The following KIF11 variants were observed in gnomAD, a reference collection of about 807,000 sequenced individuals.
The protein encoded by KIF11 is kinesin-like protein KIF11.
A neutral mutation model predicts 121.0 loss-of-function variants in KIF11; 9 were observed. The observed-to-expected ratio is 0.07, with a 90% confidence interval of 0.04 to 0.13. The LOEUF (loss-of-function observed/expected upper bound fraction) is 0.13, where lower values mean the gene tolerates loss of function less well. Among genes scored for constraint, KIF11 ranks in the 10% least tolerant of loss-of-function variants. The pLI is 1.00. For synonymous variants in KIF11, 408 were observed against 421.0 expected (o/e 0.97, Z 0.38); for missense variants, 846 against 1,217.5 (o/e 0.69, Z 4.54).
rs770861566 is a variant in KIF11 at position 92,606,614 on chromosome 10, G to A, written c.211-5G>A. ...GATTTTTTTTTTTTTAATTTTTTTCGTTAGGTGTTTGGAGCATCTACTAAA... is the reference window on the plus strand; with the variant it reads ...GATTTTTTTTTTTTTAATTTTTTTCATTAGGTGTTTGGAGCATCTACTAAA... On this transcript the variant is annotated splice_region_variant and splice_polypyrimidine_tract_variant and intron_variant, in intron 2 of 21. Coordinates refer to ENST00000260731, the MANE Select transcript of KIF11 (RefSeq NM_004523.4). 24 of 1,477,788 alleles carry A rather than the reference G, an allele frequency of 1.6e-5. No homozygotes were observed. The highest frequency in any genetic ancestry group is 1.8e-4 in the Middle Eastern group (1 of 5,640). 91.5% of individuals were successfully genotyped at this position (1,477,788 alleles called of 1,614,324 possible).
Position 92,606,369 on chromosome 10 carries a change from G to T in KIF11, c.182G>T (p.Ser61Ile). 1 of 1,610,968 alleles carries T rather than the reference G, an allele frequency of 6.2e-7. No individual in the cohort carries two copies. The highest frequency in any genetic ancestry group is 8.5e-7 in the Non-Finnish European group (1 of 1,179,230). ...SVRTGGLADKSSRKTYTFDMV... is the reference protein window; with the variant it reads ...SVRTGGLADKISRKTYTFDMV... ...CGAACTGGAGGATTGGCTGACAAGAGCTCAAGGAAAACATACACTTTTGAT... is the reference window on the plus strand; with the variant it reads ...CGAACTGGAGGATTGGCTGACAAGATCTCAAGGAAAACATACACTTTTGAT... The change falls in exon 2 of 22, where the codon AGC becomes ATC. Residue 61 changes from serine to isoleucine, a missense_variant. By Grantham distance (142) the Ser-to-Ile change is moderately radical. Transcript: ENST00000260731.
intron 3 of KIF11, among the ~76,000 whole-genome samples, 168 bp downstream of exon 3, chr10:92,606,884 TCTC>T (rs200943181): frequency 0.021 from 3,158 of 152,198 alleles, 46 homozygotes; most frequent in Admixed American, 0.052. Context: ...TTCAAGCAAT[TCTC>T]CTGTTTCAGC....
intron 9 of KIF11, among the ~76,000 whole-genome samples, chr10:92,617,761 A>G (rs931030347): frequency 6.7e-6 from 1 of 148,482 alleles, no homozygotes; most frequent in Non-Finnish European, 1.5e-5. Flanking sequence ...TTTTTTTGAG[A>G]TGAAGTCTCG....
At chr10:92,610,963 GAACTA>G (rs2135903772) in intron 6 of KIF11, among the ~76,000 whole-genome samples, 1 of 152,076 alleles carries the variant, frequency 6.6e-6, no homozygotes, top group Admixed American at 6.6e-5. Context: ...TTTGAGAACT[GAACTA>G]AAGACTAGGT....
chr10:92,640,794 G>T (rs890457727), intron 17 of KIF11, among the ~76,000 whole-genome samples: 1 of 149,846 alleles, frequency 6.7e-6, no homozygotes, highest in African/African-American at 2.5e-5. Flanking sequence ...GTACAGTGGC[G>T]CGAGTGCAGT....
intron 1 of KIF11, among the ~76,000 whole-genome samples, chr10:92,600,149 C>T (rs928830063): frequency 1.1e-4 from 16 of 151,486 alleles, no homozygotes; most frequent in Non-Finnish European, 2.1e-4. Context: ...GGATTATAGG[C>T]GCTCGCCACC....
intron 17 of KIF11, among the ~76,000 whole-genome samples, chr10:92,640,887 C>T (rs189024977): frequency 1.3e-5 from 2 of 152,260 alleles, no homozygotes; most frequent in Non-Finnish European, 2.9e-5. Flanking sequence ...GCTGGGATTA[C>T]AGGCACATAC....
At position 92,593,458 on chromosome 10, in the gene KIF11, G is replaced by C; in HGVS notation, c.77+6G>C. On this transcript the variant is annotated splice_donor_region_variant and intron_variant, in intron 1 of 21. Transcript: ENST00000260731. Reference sequence around the variant, plus strand: ...CAGGTGGTGGTGAGATGCAGGTAGGGAGAGGGCTGACAGGATTCCGAGCGC... The same window carrying C: ...CAGGTGGTGGTGAGATGCAGGTAGGCAGAGGGCTGACAGGATTCCGAGCGC... The C allele has an allele frequency of 2.5e-6, 4 of 1,607,552 alleles. No individual in the cohort carries two copies. Among genetic ancestry groups the C allele is most frequent in the Non-Finnish European group, 3.4e-6 (4 of 1,177,316 alleles).
intron 21 of KIF11, among the ~76,000 whole-genome samples, chr10:92,650,991 T>A (rs1239081954): frequency 6.6e-6 from 1 of 152,084 alleles, no homozygotes; most frequent in Non-Finnish European, 1.5e-5. Flanking sequence ...CTGAGCACCT[T>A]GCCTGCTCTA....
intron 10 of KIF11, among the ~76,000 whole-genome samples, chr10:92,622,043 A>C (rs562655878): frequency 6.6e-6 from 1 of 152,174 alleles, no homozygotes; most frequent in African/African-American, 2.4e-5. Context: ...TGGGAGGCCA[A>C]GGCAGGCAGA....
chr10:92,648,108 C>CAAAAAAAAAAAAAAAAAAAAAAAAAAA (rs34357393), intron 18 of KIF11, 104 bp from the exon 19 acceptor site: 2 of 685,444 alleles, frequency 2.9e-6, no homozygotes, highest in African/African-American at 5.0e-5. Flanking sequence ...GACTTGTCTC[C>CAAAAAAAAAAAAAAAAAAAAAAAAAAA]AAAAAAAAAA....
chr10:92,630,851 G>C (rs954264943), intron 12 of KIF11, among the ~76,000 whole-genome samples: 1 of 105,306 alleles, frequency 9.5e-6, no homozygotes, highest in African/African-American at 3.8e-5. Context: ...TGGGCAACAA[G>C]AGCGAAACTC....
At chr10:92,628,958 A>G in intron 11 of KIF11, 63 bp downstream of exon 11, 1 of 917,604 alleles carries the variant, frequency 1.1e-6, no homozygotes, top group South Asian at 1.6e-5. Context: ...AAATTTTAGA[A>G]TGAAAGATCT....
chr10:92,641,231 T>G (rs1844863214), intron 17 of KIF11, among the ~76,000 whole-genome samples: 4 of 152,214 alleles, frequency 2.6e-5, no homozygotes, highest in Admixed American at 2.6e-4. Flanking sequence ...TTCAGTTTTT[T>G]GCCTATTGAG....
At chr10:92,611,031 T>C (rs1005862942) in intron 6 of KIF11, among the ~76,000 whole-genome samples, 1 of 152,080 alleles carries the variant, frequency 6.6e-6, no homozygotes, top group African/African-American at 2.4e-5. Flanking sequence ...TTTTTCCTTT[T>C]TTCTTGTATG....
intron 1 of KIF11, chr10:92,597,153 C>T (rs1467961287): frequency 3.7e-6 from 1 of 271,886 alleles, no homozygotes; most frequent in African/African-American, 2.3e-5. Flanking sequence ...TGGCAATCTT[C>T]ACTTCTCCTG....
At chr10:92,633,233 A>C (rs1179925572) in intron 13 of KIF11, among the ~76,000 whole-genome samples, 1 of 152,140 alleles carries the variant, frequency 6.6e-6, no homozygotes, top group African/African-American at 2.4e-5. Flanking sequence ...AAAAATTTAA[A>C]AAATCATCTA....
chr10:92,622,882 C>T (rs1033194429), intron 10 of KIF11, among the ~76,000 whole-genome samples: 1 of 152,102 alleles, frequency 6.6e-6, no homozygotes, highest in African/African-American at 2.4e-5. Context: ...CACATATTCA[C>T]ATGGCGGCAG....
Position 92,623,760 on chromosome 10 carries a change from C to A in KIF11, c.1217+2287C>A, listed in dbSNP as rs200591660. 2.6e-5 allele frequency among the ~76,000 whole-genome samples: 4 copies of A among 151,992 alleles called. No homozygotes were observed. The East Asian group carries it at 7.7e-4, about 29-fold the overall frequency. On this transcript the variant is annotated intron_variant, in intron 10 of 21. Transcript: ENST00000260731. ...TAATTGGTGAGGCACTCAATCCTGG[C>A]CTGTAGTCTTTAGAAATGATATTGA...
Sources: allele counts gnomAD v4.1 joint callset (sites outside exome capture counted in the v4.1 genomes callset), GRCh38; gene constraint gnomAD v4.1.1; transcripts MANE v1.5; gene names NCBI Gene and HGNC (gene_info 2026-07-23, HGNC 2026-07-21).